Variants in GRIK2 observed in about 807,000 individuals in gnomAD.
GRIK2 encodes glutamate ionotropic receptor kainate type subunit 2.
GRIK2 carries 32 observed loss-of-function variants against 100.3 expected under a neutral mutation model. The observed-to-expected ratio is 0.32, with a 90% CI of 0.24 to 0.43. The LOEUF is 0.43. GRIK2 is among the 20% of genes least tolerant of loss of function. The probability of loss-of-function intolerance (pLI) is 1.00; values close to 1 mark genes in which losing one functional copy is unlikely to be tolerated. For missense variants in GRIK2, 843 were observed against 1,114.9 expected (o/e 0.76, Z 3.47); for synonymous variants, 417 against 389.4 (o/e 1.07, Z -0.83).
rs1323948657 is a variant in GRIK2 at position 101,797,557 on chromosome 6, T to C, written c.952-2091T>C. 2.0e-5 allele frequency among the ~76,000 whole-genome samples: 3 copies of C among 149,458 alleles called. No individual in the cohort carries two copies. The South Asian group carries it at 6.2e-4, about 31-fold the overall frequency. On this transcript the variant is annotated intron_variant, in intron 7 of 16. Transcript: ENST00000369134. ...ATGCATGTGTATTTTAGATATTCTATTTAATTTATAAATATATATTGCTTT... is the reference window on the plus strand; with the variant it reads ...ATGCATGTGTATTTTAGATATTCTACTTAATTTATAAATATATATTGCTTT...
chr6:101,911,437 T>C lies in GRIK2; in HGVS notation c.1749-13164T>C, dbSNP rs533938972. On this transcript the variant is annotated intron_variant, in intron 12 of 16. Transcript: ENST00000369134. ...TCAGGAAAATATGTATCCACTCTTG[T>C]AAATGTATTTGGGTAGCTTTATTGT... 2.0e-5 allele frequency among the ~76,000 whole-genome samples: 3 copies of C among 151,708 alleles called. No homozygotes were observed. In the East Asian group the frequency reaches 5.8e-4, roughly 29 times the overall value.
chr6:101,766,339 T>C (rs1332510470), intron 7 of GRIK2, among the ~76,000 whole-genome samples: 2 of 152,130 alleles, frequency 1.3e-5, no homozygotes, highest in Non-Finnish European at 2.9e-5. Context: ...GACCTCAATT[T>C]TTAAAGAATC....
intron 7 of GRIK2, among the ~76,000 whole-genome samples, chr6:101,698,189 C>A (rs1219613617): frequency 2.6e-5 from 4 of 151,660 alleles, no homozygotes; most frequent in African/African-American, 9.7e-5. Flanking sequence ...ATGACACTAT[C>A]TGAGTAATTA....
At chr6:101,595,048 A>G (rs555348676) in intron 2 of GRIK2, among the ~76,000 whole-genome samples, 3 of 151,858 alleles carry the variant, frequency 2.0e-5, no homozygotes, top group African/African-American at 7.2e-5. Flanking sequence ...AGGTTAAGGT[A>G]CCGAGAAACC....
At chr6:101,907,424 C>A (rs1788307245) in intron 12 of GRIK2, among the ~76,000 whole-genome samples, 2 of 151,698 alleles carry the variant, frequency 1.3e-5, no homozygotes, top group East Asian at 1.9e-4. Flanking sequence ...ATTATTGGAA[C>A]CTCATGCTTG....
intron 14 of GRIK2, among the ~76,000 whole-genome samples, chr6:101,962,721 A>G (rs1231744034): frequency 6.6e-6 from 1 of 152,140 alleles, no homozygotes; most frequent in Admixed American, 6.5e-5. Context: ...TTTGGTGCAT[A>G]TATATTTATA....
At chr6:101,746,216 A>G (rs1368677075) in intron 7 of GRIK2, among the ~76,000 whole-genome samples, 7 of 152,222 alleles carry the variant, frequency 4.6e-5, no homozygotes, top group Non-Finnish European at 7.4e-5. Flanking sequence ...ATTTGGTGGT[A>G]TAAATACAGA....
intron 15 of GRIK2, among the ~76,000 whole-genome samples, chr6:102,054,336 T>C (rs531194834): frequency 2.6e-5 from 4 of 152,184 alleles, no homozygotes; most frequent in African/African-American, 7.2e-5. Flanking sequence ...CAAGCTGAAA[T>C]GTTTAATATT....
Position 102,068,566 on chromosome 6 carries a change from G to A in GRIK2, c.*55G>A. ...CTGTCGTCTTTTTCCAAACAATTTA[G>A]CCAGAATGTTTCCTGTGGAAATATG... On this transcript the variant is annotated 3_prime_UTR_variant, in exon 17 of 17. Coordinates refer to ENST00000369134, the MANE Select transcript of GRIK2 (RefSeq NM_021956.5). The A allele has an allele frequency of 6.6e-7, 1 of 1,512,700 alleles. No homozygotes were observed. 93.7% of individuals were successfully genotyped at this position (1,512,700 alleles called of 1,614,324 possible).
At chr6:101,735,576 C>T (rs555320026) in intron 7 of GRIK2, among the ~76,000 whole-genome samples, 1 of 151,834 alleles carries the variant, frequency 6.6e-6, no homozygotes, top group Non-Finnish European at 1.5e-5. Flanking sequence ...GGGAAACTTC[C>T]ATTTTTAAAA....
chr6:101,981,319 A>G (rs1793702327), intron 14 of GRIK2, among the ~76,000 whole-genome samples: 1 of 151,950 alleles, frequency 6.6e-6, no homozygotes, highest in Non-Finnish European at 1.5e-5. Flanking sequence ...AAATCATGAT[A>G]TAAGGCAGTT....
chr6:101,685,588 A>G (rs190277129), intron 6 of GRIK2, among the ~76,000 whole-genome samples: 1 of 152,286 alleles, frequency 6.6e-6, no homozygotes, highest in East Asian at 1.9e-4. Flanking sequence ...AACAGGCATA[A>G]AGTGTTTATT....
At chr6:101,621,073 T>C (rs1183662359) in intron 2 of GRIK2, among the ~76,000 whole-genome samples, 2 of 152,206 alleles carry the variant, frequency 1.3e-5, no homozygotes, top group African/African-American at 4.8e-5. Flanking sequence ...AGTGTCTTCT[T>C]AAAAGGGACT....
intron 15 of GRIK2, among the ~76,000 whole-genome samples, chr6:102,038,657 AC>A (rs34127407): frequency 0.27 from 40,959 of 150,756 alleles, 5,607 homozygotes; most frequent in East Asian, 0.31. Flanking sequence ...ATAAACAACA[AC>A]AAAAAAAAGG....
intron 14 of GRIK2, among the ~76,000 whole-genome samples, chr6:101,969,153 A>G (rs1792880430): frequency 6.6e-6 from 1 of 152,002 alleles, no homozygotes; most frequent in South Asian, 2.1e-4. Context: ...AACCACATAT[A>G]ATTTATAACT....
intron 14 of GRIK2, among the ~76,000 whole-genome samples, chr6:101,940,003 G>T (rs1199538627): frequency 6.6e-6 from 1 of 152,064 alleles, no homozygotes; most frequent in Non-Finnish European, 1.5e-5. Flanking sequence ...GATGAGAGTT[G>T]TGTTGAAGGA....
intron 7 of GRIK2, among the ~76,000 whole-genome samples, chr6:101,717,817 G>C (rs1265317353): frequency 6.6e-6 from 1 of 151,724 alleles, no homozygotes; most frequent in East Asian, 1.9e-4. Context: ...CTAGCAATCT[G>C]TTTTTATGAA....
chr6:102,062,576 T>C (rs1205330943), intron 16 of GRIK2, among the ~76,000 whole-genome samples: 3 of 150,604 alleles, frequency 2.0e-5, no homozygotes, highest in African/African-American at 7.3e-5. Flanking sequence ...CTTATGTAAA[T>C]AATAAAACTT....
intron 16 of GRIK2, among the ~76,000 whole-genome samples, chr6:102,063,421 G>A (rs1771852958): frequency 6.6e-6 from 1 of 150,644 alleles, no homozygotes; most frequent in Non-Finnish European, 1.5e-5. Context: ...AGAGTGATGA[G>A]CATAAAAGTT....
Sources: allele counts gnomAD v4.1 joint callset (sites outside exome capture counted in the v4.1 genomes callset), GRCh38; gene constraint gnomAD v4.1.1; transcripts MANE v1.5; gene names NCBI Gene and HGNC (gene_info 2026-07-23, HGNC 2026-07-21).